SOX6: variants seen among roughly 807,000 people sequenced by gnomAD.
The protein encoded by SOX6 is transcription factor SOX-6.
Under a neutral mutation model 97.8 loss-of-function variants are expected in SOX6, and 11 were observed. The ratio of observed to expected loss-of-function variants is 0.11; its 90% confidence interval spans 0.07 to 0.19. SOX6 has a LOEUF of 0.19. Ranked by LOEUF, SOX6 falls within the 10% of genes least tolerant of loss-of-function variation. The probability of loss-of-function intolerance (pLI) is 1.00; values close to 1 mark genes in which losing one functional copy is unlikely to be tolerated. For missense variants in SOX6, 810 were observed against 1,039.5 expected (o/e 0.78, Z 3.04); for synonymous variants, 360 against 371.4 (o/e 0.97, Z 0.35).
intron 1 of SOX6, among the ~76,000 whole-genome samples, chr11:16,347,817 TG>T (rs796454710): frequency 3.9e-5 from 6 of 152,080 alleles, no homozygotes; most frequent in African/African-American, 1.4e-4. Context: ...AAGAGAAAAA[TG>T]AATATTGATA....
chr11:16,519,559 G>T (rs1861024457), intron 4 of SOX6, among the ~76,000 whole-genome samples: 1 of 150,134 alleles, frequency 6.7e-6, no homozygotes, highest in African/African-American at 2.4e-5. Context: ...AGTATTCTAT[G>T]ATATATATAT....
intron 3 of SOX6, among the ~76,000 whole-genome samples, chr11:16,641,945 C>T (rs1362456244): frequency 2.0e-5 from 3 of 152,172 alleles, no homozygotes; most frequent in Admixed American, 2.0e-4. Context: ...TTGTTCCTGA[C>T]ATTATGATGT....
intron 4 of SOX6, among the ~76,000 whole-genome samples, chr11:16,591,748 C>G (rs1003621372): frequency 6.6e-6 from 1 of 152,074 alleles, no homozygotes; most frequent in African/African-American, 2.4e-5. Context: ...TAATTGTCAT[C>G]AGGGAAGACA....
chr11:16,554,074 A>C (rs1847721679), intron 4 of SOX6, among the ~76,000 whole-genome samples: 1 of 152,130 alleles, frequency 6.6e-6, no homozygotes, highest in Non-Finnish European at 1.5e-5. Context: ...TTCAAAAGAA[A>C]AGATAATAAA....
intron 1 of SOX6, among the ~76,000 whole-genome samples, chr11:16,351,455 A>G (rs2134359405): frequency 6.6e-6 from 1 of 152,200 alleles, no homozygotes; most frequent in African/African-American, 2.4e-5. Context: ...CTATTTTAGT[A>G]TCTCCTCCAC....
At chr11:16,483,812 G>T (rs901308087) in intron 4 of SOX6, among the ~76,000 whole-genome samples, 1 of 152,228 alleles carries the variant, frequency 6.6e-6, no homozygotes, top group African/African-American at 2.4e-5. Context: ...TCCTGTTGTA[G>T]TTGAGTGAGG....
chr11:16,612,856 T>A (rs1375112673), intron 3 of SOX6, among the ~76,000 whole-genome samples: 1 of 151,960 alleles, frequency 6.6e-6, no homozygotes, highest in African/African-American at 2.4e-5. Flanking sequence ...GCAGCACCAA[T>A]ACCTAAGAGA....
chr11:16,736,140 G>A (rs888306067), intron 2 of SOX6, among the ~76,000 whole-genome samples: 3 of 152,092 alleles, frequency 2.0e-5, no homozygotes, highest in African/African-American at 4.8e-5. Context: ...TATTAATTCA[G>A]AAACATTTAT....
At chr11:16,526,377 G>C (rs575630694) in intron 4 of SOX6, among the ~76,000 whole-genome samples, 1 of 151,702 alleles carries the variant, frequency 6.6e-6, no homozygotes, top group African/African-American at 2.4e-5. Context: ...GTAAACTATC[G>C]CAAGGACAAA....
chr11:16,524,925 G>A (rs1381727421), intron 4 of SOX6, among the ~76,000 whole-genome samples: 4 of 152,078 alleles, frequency 2.6e-5, no homozygotes, highest in Non-Finnish European at 5.9e-5. Flanking sequence ...AACTTACAAG[G>A]GACGTGAAGG....
intron 3 of SOX6, among the ~76,000 whole-genome samples, chr11:16,615,189 G>C (rs1848456573): frequency 6.6e-6 from 1 of 152,104 alleles, no homozygotes; most frequent in Non-Finnish European, 1.5e-5. Context: ...CCTGTGCTAA[G>C]TAATGCTATT....
At chr11:16,320,348 G>A (rs1855880450) in intron 2 of SOX6, among the ~76,000 whole-genome samples, 1 of 152,000 alleles carries the variant, frequency 6.6e-6, no homozygotes, top group Non-Finnish European at 1.5e-5. Context: ...AATAACTAAT[G>A]GGAAAAGGGG....
At chr11:16,010,676 A>G (rs1854690974) in intron 13 of SOX6, among the ~76,000 whole-genome samples, 3 of 152,144 alleles carry the variant, frequency 2.0e-5, no homozygotes, top group Admixed American at 2.0e-4. Flanking sequence ...GGGGGAAAGG[A>G]GAGCAGAGAG....
At chr11:16,060,002 C>A (rs1847907175) in intron 9 of SOX6, among the ~76,000 whole-genome samples, 1 of 151,864 alleles carries the variant, frequency 6.6e-6, no homozygotes, top group Non-Finnish European at 1.5e-5. Flanking sequence ...ATTAAAGAGT[C>A]AGGAAATCTT....
intron 4 of SOX6, among the ~76,000 whole-genome samples, chr11:16,598,619 G>T (rs1848236361): frequency 6.6e-6 from 1 of 151,226 alleles, no homozygotes; most frequent in Non-Finnish European, 1.5e-5. Context: ...TGTAGCATTT[G>T]CAACCATGCC....
intron 3 of SOX6, among the ~76,000 whole-genome samples, chr11:16,281,280 G>A (rs1854553207): frequency 6.6e-6 from 1 of 151,918 alleles, no homozygotes; most frequent in Non-Finnish European, 1.5e-5. Context: ...ATATGTGTAT[G>A]GTCATTGCTA....
chr11:16,452,949 T>A (rs1250295829), intron 1 of SOX6, among the ~76,000 whole-genome samples: 2 of 152,068 alleles, frequency 1.3e-5, no homozygotes, highest in African/African-American at 4.8e-5. Flanking sequence ...GGGAGATGAG[T>A]TCATGAGTAA....
rs533693324 is a variant in SOX6, at chr11:16,078,797, G to A, written c.1101+17199C>T. ...ATTTGAATAAAGACCTGAGCTAAGT[G>A]AGAGAGTAAGCCATGTCATTATATG... is the stretch of plus-strand genomic sequence containing the variant. On this transcript the variant is annotated intron_variant, in intron 9 of 15. Transcript: ENST00000683767. Among the ~76,000 whole-genome samples the A allele has an allele frequency of 2.0e-5, 3 of 152,264 alleles. No homozygotes were observed. The South Asian group carries it at 6.2e-4, about 32-fold the overall frequency.
intron 1 of SOX6, among the ~76,000 whole-genome samples, chr11:16,429,182 T>C (rs975842534): frequency 6.6e-6 from 1 of 152,120 alleles, no homozygotes; most frequent in South Asian, 2.1e-4. Context: ...ATTACAGATA[T>C]TGGCGAAGTT....
Sources: allele counts gnomAD v4.1 joint callset (sites outside exome capture counted in the v4.1 genomes callset), GRCh38; gene constraint gnomAD v4.1.1; transcripts MANE v1.5; gene names NCBI Gene and HGNC (gene_info 2026-07-23, HGNC 2026-07-21).